The following PITPNM2 variants were observed in gnomAD, a reference collection of about 807,000 sequenced individuals.
PITPNM2 encodes the protein membrane-associated phosphatidylinositol transfer protein 2.
Under a neutral mutation model 132.2 loss-of-function variants are expected in PITPNM2, and 35 were observed. The ratio of observed to expected loss-of-function variants is 0.26; its 90% confidence interval spans 0.20 to 0.35. The LOEUF is 0.35. PITPNM2 is among the 10% of genes least tolerant of loss of function. The probability of loss-of-function intolerance (pLI) is 1.00; values close to 1 mark genes in which losing one functional copy is unlikely to be tolerated. For synonymous variants in PITPNM2, 738 were observed against 799.2 expected, an observed-to-expected ratio of 0.92 and a Z score of 1.29; for missense variants, 1,332 against 1,912.0, an observed-to-expected ratio of 0.70 and a Z score of 5.66.
At position 123,022,344 on chromosome 12, in the gene PITPNM2, G is replaced by T. The variant is rs1447703524; in HGVS notation, c.79-8302C>A. Among the ~76,000 whole-genome samples, 1 of 152,158 alleles carries T rather than the reference G, an allele frequency of 6.6e-6. No homozygotes were observed. Among genetic ancestry groups the T allele is most frequent in the Admixed American group, 6.5e-5 (1 of 15,272 alleles). ...TTTCATAGCTATAGGCACCAAGACC[G>T]CTCGGAAGACCCACAGAGCATCAGA... On this transcript the variant is annotated intron_variant, in intron 3 of 25. Transcript: ENST00000320201. The surrounding 1 kb of genome is among the most constrained non-coding windows in gnomAD (Gnocchi z 4.9).
chr12:123,136,661 G>A (rs1212517951), intron 1 of PITPNM2, among the ~76,000 whole-genome samples: 2 of 152,166 alleles, frequency 1.3e-5, no homozygotes, highest in Non-Finnish European at 2.9e-5. Flanking sequence ...ATTTTGGGAG[G>A]CTGAGGTGGG....
rs544393733 is a variant in PITPNM2 at position 123,117,639 on chromosome 12, A to G, written c.-199-7151T>C. On this transcript the variant is annotated intron_variant, in intron 1 of 25. Coordinates refer to ENST00000320201, the MANE Select transcript of PITPNM2 (RefSeq NM_020845.3). This position sits in a 1 kb window ranked among gnomAD's most constrained non-coding sequence, Gnocchi z 4.7. ...AATCCAAAGCCCTGCATCAAGTCCA[A>G]TGACTTGCATCTAGGTTTGCAAGGC... Among the ~76,000 whole-genome samples the G allele has an allele frequency of 2.0e-4, 30 of 152,304 alleles. No individual in the cohort carries two copies. The South Asian group carries it at 3.3e-3, about 17-fold the overall frequency.
In PITPNM2 at chr12:123,078,458, C is replaced by G. The variant is rs1052450740; in HGVS notation, c.-96+31927G>C. 6.6e-6 allele frequency among the ~76,000 whole-genome samples: 1 copy of G among 152,206 alleles called. No individual in the cohort carries two copies. The highest frequency in any genetic ancestry group is 2.4e-5 in the African/African-American group (1 of 41,454). On this transcript the variant is annotated intron_variant, in intron 2 of 25. Transcript: ENST00000320201. This position sits in a 1 kb window ranked among gnomAD's most constrained non-coding sequence, Gnocchi z 7.3. ...AAGAGCCTGGGCCCTCCGTCTCACG[C>G]CACGATGCCCAGCCAGAGCCTGAAG...
intron 2 of PITPNM2, among the ~76,000 whole-genome samples, chr12:123,096,996 C>G (rs1283160191): frequency 1.3e-5 from 2 of 152,090 alleles, no homozygotes; most frequent in Non-Finnish European, 2.9e-5. Context: ...AGTGGGGCCA[C>G]CCTGCCATCT....
chr12:123,127,872 G>A (rs1274350592), intron 1 of PITPNM2, among the ~76,000 whole-genome samples: 1 of 152,032 alleles, frequency 6.6e-6, no homozygotes, highest in Non-Finnish European at 1.5e-5. Context: ...GCCTCCCAAA[G>A]TGCTGGGATT....
chr12:123,110,990 C>T (rs1285122881), intron 1 of PITPNM2, among the ~76,000 whole-genome samples: 2 of 152,232 alleles, frequency 1.3e-5, no homozygotes, highest in Admixed American at 1.3e-4. Context: ...TGGCTTCCAG[C>T]CTTCCAGCAA....
chr12:123,120,360 C>G (rs2043011874), intron 1 of PITPNM2, among the ~76,000 whole-genome samples: 1 of 152,150 alleles, frequency 6.6e-6, no homozygotes, highest in Non-Finnish European at 1.5e-5. Flanking sequence ...CTAATAGTCA[C>G]AGGTTGGCTG....
intron 1 of PITPNM2, among the ~76,000 whole-genome samples, chr12:123,146,264 C>T (rs555997601): frequency 2.6e-5 from 4 of 152,210 alleles, no homozygotes; most frequent in Admixed American, 1.3e-4. Flanking sequence ...TGACACAAGT[C>T]TACCGACACA....
In PITPNM2 at chr12:123,095,336, G is replaced by A. The variant is rs546342359; in HGVS notation, c.-96+15049C>T. 3.3e-5 allele frequency among the ~76,000 whole-genome samples: 5 copies of A among 152,314 alleles called. No homozygotes were observed. Among genetic ancestry groups the A allele is most frequent in the African/African-American group, 7.2e-5 (3 of 41,572 alleles). ...TGGCCCTGTGCTGGGCACAGATCCC[G>A]CTTGGCAGCCCCTGCTGACGATTGC... On this transcript the variant is annotated intron_variant, in intron 2 of 25. Coordinates refer to ENST00000320201, the MANE Select transcript of PITPNM2 (RefSeq NM_020845.3). This position sits in a 1 kb window ranked among gnomAD's most constrained non-coding sequence, Gnocchi z 5.0.
chr12:123,013,961 C>T lies in PITPNM2; in HGVS notation c.160G>A (p.Gly54Ser), dbSNP rs200050791. The T allele has an allele frequency of 1.2e-6, 2 of 1,614,248 alleles. No homozygotes were observed. The highest frequency in any genetic ancestry group is 1.3e-5 in the African/African-American group (1 of 75,054). Residue 54 changes from glycine to serine, a missense_variant, in exon 4 of 26, where the codon GGC becomes AGC. Around this residue, in one of 6 missense-constraint regions of PITPNM2, gnomAD observed 83 missense variants for 118.7 expected, o/e 0.70. Coordinates refer to ENST00000320201, the MANE Select transcript of PITPNM2 (RefSeq NM_020845.3). The stretch of plus-strand genomic sequence containing the variant: ...ACCTTGTGTGTGTACTGCCCAGAGC[C>T]GCCTGGGCCATCTGTGTACGGCCGG... ...ENRPYTDGPG[G>S]SGQYTHKVYH...
rs746872308 is a variant in PITPNM2 at position 122,987,775 on chromosome 12, G to A, written c.3114+10C>T. 36 of 1,613,622 alleles carry A rather than the reference G, an allele frequency of 2.2e-5. No individual in the cohort carries two copies. Among genetic ancestry groups the A allele is most frequent in the Admixed American group, 6.7e-5 (4 of 59,982 alleles). On this transcript the variant is annotated intron_variant, in intron 21 of 25. Coordinates refer to ENST00000320201, the MANE Select transcript of PITPNM2 (RefSeq NM_020845.3). ...TCCCTCCATGTTACCCCTACCCGCC[G>A]TGTCCTTACCTTCTCCCCAGTCAGG...
chr12:122,989,349 A>G (rs990568105), intron 18 of PITPNM2, among the ~76,000 whole-genome samples: 1 of 152,152 alleles, frequency 6.6e-6, no homozygotes, highest in Non-Finnish European at 1.5e-5. Context: ...GCCCTGAGAC[A>G]CAGCAGTGTG....
In PITPNM2 at chr12:123,137,532, T is replaced by C. The variant is rs898413403; in HGVS notation, c.-200+13221A>G. ...CACCCTCCCAGCCAGTCTCTCTGAA[T>C]CCACACAGCAGCCTTGAGGGACCAC... is the stretch of plus-strand genomic sequence containing the variant. On this transcript the variant is annotated intron_variant, in intron 1 of 25. Coordinates refer to ENST00000320201, the MANE Select transcript of PITPNM2 (RefSeq NM_020845.3). Among the ~76,000 whole-genome samples, 5 of 152,240 alleles carry C rather than the reference T, an allele frequency of 3.3e-5. No individual in the cohort carries two copies. The East Asian group carries it at 9.6e-4, about 29-fold the overall frequency.
At chr12:123,102,508 C>G (rs12318326) in intron 2 of PITPNM2, among the ~76,000 whole-genome samples, 1,629 of 152,234 alleles carry the variant, frequency 0.011, 23 homozygotes, top group African/African-American at 0.037. Context: ...AACTGGATTT[C>G]CCTCCCCTTT....
At chr12:123,146,596 AAAT>A (rs1233381646) in intron 1 of PITPNM2, among the ~76,000 whole-genome samples, 1 of 151,956 alleles carries the variant, frequency 6.6e-6, no homozygotes, top group East Asian at 1.9e-4. Flanking sequence ...TTCCATCTAA[AAAT>A]AATAATAATT....
intron 2 of PITPNM2, among the ~76,000 whole-genome samples, chr12:123,043,954 G>T (rs1040131507): frequency 5.3e-5 from 8 of 152,214 alleles, no homozygotes; most frequent in African/African-American, 1.7e-4. Context: ...GCATGAAGGA[G>T]AATTATTTGG....
chr12:123,139,598 C>T (rs1171160443), intron 1 of PITPNM2, among the ~76,000 whole-genome samples: 3 of 152,144 alleles, frequency 2.0e-5, no homozygotes, highest in Non-Finnish European at 1.5e-5. Flanking sequence ...ACTGGGCTTC[C>T]AGAGACCCTT....
At chr12:123,051,910 T>TA (rs2040867981) in intron 2 of PITPNM2, among the ~76,000 whole-genome samples, 1 of 38,072 alleles carries the variant, frequency 2.6e-5, no homozygotes, top group Non-Finnish European at 1.8e-4. Flanking sequence ...CATTCTATTC[T>TA]TTTTTTTTTT....
chr12:123,009,852 G>A lies in PITPNM2; in HGVS notation c.641C>T (p.Thr214Ile), dbSNP rs1555288313. ...QSKIERFIHD[T>I]GLRRVMVRAH... is the part of the protein sequence containing the mutation. The stretch of plus-strand genomic sequence containing the variant: ...CCACCTGGCATGGGTGTGCTCACCG[G>A]TGTCGTGGATGAACCTCTCGATCTT... The change falls in exon 6 of 26, where the codon ACC becomes ATC. Residue 214 changes from threonine (T) to isoleucine (I), a missense_variant and splice_region_variant. Transcript: ENST00000320201. This position sits in a 1 kb window ranked among gnomAD's most constrained non-coding sequence, Gnocchi z 4.8. 6.2e-7 allele frequency: 1 copy of A among 1,614,042 alleles called. No homozygotes were observed. Among genetic ancestry groups the A allele is most frequent in the Non-Finnish European group, 8.5e-7 (1 of 1,179,892 alleles).
Sources: gnomAD v4.1 joint callset for allele counts (sites outside exome capture counted in the v4.1 genomes callset) on GRCh38, gnomAD v4.1.1 for gene constraint, gnomAD v4.1.1 regional missense constraint, Gnocchi (gnomAD v3.1) non-coding constraint, MANE v1.5 for transcripts, NCBI Gene and HGNC (gene_info 2026-07-23, HGNC 2026-07-21) for gene names.